The following ASTN2 variants were observed in gnomAD, a reference collection of about 807,000 sequenced individuals.
ASTN2 encodes the protein astrotactin 2.
ASTN2 carries 54 observed loss-of-function variants against 139.8 expected under a neutral mutation model. The ratio of observed to expected loss-of-function variants is 0.39; its 90% CI spans 0.31 to 0.48. The LOEUF is 0.48. Ranked by LOEUF, ASTN2 falls within the 20% of genes least tolerant of loss-of-function variation. ASTN2 has a pLI of 0.95. For missense variants in ASTN2, 1,565 were observed against 1,725.1 expected (o/e 0.91, Z 1.64); for synonymous variants, 756 against 719.5 (o/e 1.05, Z -0.81).
chr9:117,079,802 C>A, intron 5 of ASTN2, among the ~76,000 whole-genome samples: 1 of 152,212 alleles, frequency 6.6e-6, no homozygotes, highest in Non-Finnish European at 1.5e-5. Flanking sequence ...GAGCAGCTGC[C>A]CTAGTTATAG....
chr9:116,530,591 A>G (rs1851301576), intron 19 of ASTN2, among the ~76,000 whole-genome samples: 1 of 152,136 alleles, frequency 6.6e-6, no homozygotes. Flanking sequence ...GTATACCATA[A>G]ATATATATAA....
At chr9:116,855,411 A>G (rs1340289584) in intron 11 of ASTN2, among the ~76,000 whole-genome samples, 1 of 152,110 alleles carries the variant, frequency 6.6e-6, no homozygotes, top group African/African-American at 2.4e-5. Context: ...TACAGTTCCA[A>G]TTCCCTTCTT....
chr9:116,975,413 C>A, intron 9 of ASTN2, 68 bp from the exon 10 acceptor site: 1 of 1,471,336 alleles, frequency 6.8e-7, no homozygotes. Flanking sequence ...AAAGGGGCCC[C>A]TGTTCCCATC....
At position 116,642,144 on chromosome 9, in the gene ASTN2, AAC is replaced by A. The variant is rs1160997400; in HGVS notation, c.3072+9382_3072+9383del. Among the ~76,000 whole-genome samples the A allele has an allele frequency of 5.9e-4, 87 of 147,230 alleles. 2 individuals carry two copies. The highest frequency in any genetic ancestry group is 2.1e-3 in the African/African-American group (83 of 39,126). On this transcript the variant is annotated intron_variant, in intron 17 of 22. Coordinates refer to ENST00000313400, the MANE Select transcript of ASTN2 (RefSeq NM_001365068.1). ...GGCTCCCAACCCACAAAAAAAAAAA[AAC>A]AAAAAAAAACAGAATCAGTAGGAAG...
intron 19 of ASTN2, among the ~76,000 whole-genome samples, chr9:116,517,028 T>C (rs1850680892): frequency 6.6e-6 from 1 of 152,186 alleles, no homozygotes; most frequent in Non-Finnish European, 1.5e-5. Context: ...GTTCTTTCTC[T>C]AACCACTCTG....
chr9:116,852,800 C>A (rs1199280349), intron 11 of ASTN2, among the ~76,000 whole-genome samples: 1 of 151,610 alleles, frequency 6.6e-6, no homozygotes, highest in Non-Finnish European at 1.5e-5. Flanking sequence ...ATTTCAGACA[C>A]CTGGGTTCTA....
intron 1 of ASTN2, among the ~76,000 whole-genome samples, chr9:117,369,039 A>G (rs1373061606): frequency 6.6e-6 from 1 of 152,202 alleles, no homozygotes; most frequent in Non-Finnish European, 1.5e-5. Flanking sequence ...CAACAAACAC[A>G]AGATAATACT....
chr9:116,607,853 C>T (rs1009009281), intron 19 of ASTN2, among the ~76,000 whole-genome samples: 6 of 151,972 alleles, frequency 3.9e-5, no homozygotes, highest in South Asian at 2.1e-4. Flanking sequence ...CCCAGCTACT[C>T]GGGAGGCTGA....
chr9:116,702,278 G>T (rs1192646277), intron 16 of ASTN2, among the ~76,000 whole-genome samples: 2 of 151,934 alleles, frequency 1.3e-5, no homozygotes, highest in African/African-American at 4.8e-5. Flanking sequence ...AATGATGGCT[G>T]TTACTCTTTT....
At chr9:116,604,679 C>T (rs1323847928) in intron 19 of ASTN2, among the ~76,000 whole-genome samples, 3 of 152,212 alleles carry the variant, frequency 2.0e-5, no homozygotes, top group Admixed American at 1.3e-4. Context: ...GCCACTGCTG[C>T]CACCATCCTC....
chr9:116,661,111 A>G (rs1004509366), intron 16 of ASTN2, among the ~76,000 whole-genome samples: 1 of 152,176 alleles, frequency 6.6e-6, no homozygotes, highest in Non-Finnish European at 1.5e-5. Flanking sequence ...CCAGTAGCCT[A>G]GTACTGGCCA....
intron 2 of ASTN2, among the ~76,000 whole-genome samples, chr9:117,249,828 G>A (rs1833488551): frequency 6.6e-6 from 1 of 152,006 alleles, no homozygotes; most frequent in African/African-American, 2.4e-5. Context: ...TAACACCTAT[G>A]CCCTTATCCT....
Position 116,725,850 on chromosome 9 carries a change from G to A in ASTN2, c.2727C>T (p.Leu909=). 8 of 1,614,072 alleles carry A rather than the reference G, an allele frequency of 5.0e-6. No individual in the cohort carries two copies. Among genetic ancestry groups the A allele is most frequent in the Non-Finnish European group, 6.8e-6 (8 of 1,180,036 alleles). ...TGATGCAGGTGAGCTCTGAGCCATA[G>A]AGGGCCTCTGCGATGTAGTGGGAGC... ...HYGSHYIAEA[L]YGSELTCIIH... The change falls in exon 16 of 23, where the codon CTC becomes CTT. Residue 909 remains leucine, a synonymous_variant. Coordinates refer to ENST00000313400, the MANE Select transcript of ASTN2 (RefSeq NM_001365068.1).
At chr9:116,847,400 C>T (rs1832471917) in intron 11 of ASTN2, among the ~76,000 whole-genome samples, 1 of 152,178 alleles carries the variant, frequency 6.6e-6, no homozygotes, top group South Asian at 2.1e-4. Context: ...AGGCATGAGC[C>T]ACCGTGCCCA....
chr9:117,081,746 T>A (rs1405139326), intron 5 of ASTN2, among the ~76,000 whole-genome samples: 2 of 152,176 alleles, frequency 1.3e-5, no homozygotes, highest in Non-Finnish European at 2.9e-5. Context: ...AATAAACATG[T>A]TGTGAACCGC....
At chr9:116,934,002 T>TTTTTTTTTTTTC (rs1588422835) in intron 10 of ASTN2, among the ~76,000 whole-genome samples, 1 of 121,310 alleles carries the variant, frequency 8.2e-6, no homozygotes, top group East Asian at 2.2e-4. Flanking sequence ...TTTTTTTTTT[T>TTTTTTTTTTTTC]CTGGATCAAG....
rs1848910549 is a variant in ASTN2 at position 116,474,327 on chromosome 9, T to C, written c.3497+13032A>G. Among the ~76,000 whole-genome samples, 6 of 152,310 alleles carry C rather than the reference T, an allele frequency of 3.9e-5. No homozygotes were observed. In the South Asian group the frequency reaches 1.2e-3, roughly 32 times the overall value. ...TATCTCCTCCCTGGGCTTTAGTTTTTCCCATAAAGAGAGAGGGTTTAGATC... is the reference window on the plus strand; with the variant it reads ...TATCTCCTCCCTGGGCTTTAGTTTTCCCCATAAAGAGAGAGGGTTTAGATC... On this transcript the variant is annotated intron_variant, in intron 20 of 22. Coordinates refer to ENST00000313400, the MANE Select transcript of ASTN2 (RefSeq NM_001365068.1).
intron 1 of ASTN2, among the ~76,000 whole-genome samples, chr9:117,345,375 C>G (rs1829183876): frequency 6.6e-6 from 1 of 152,162 alleles, no homozygotes; most frequent in Non-Finnish European, 1.5e-5. Context: ...AAGTATGAAT[C>G]ATAACCACAG....
At chr9:116,931,395 C>T (rs1043996542) in intron 10 of ASTN2, among the ~76,000 whole-genome samples, 4 of 152,136 alleles carry the variant, frequency 2.6e-5, no homozygotes, top group African/African-American at 9.7e-5. Flanking sequence ...ACTTCCCTCT[C>T]ATGGGGGAAG....
Sources: allele counts gnomAD v4.1 joint callset (sites outside exome capture counted in the v4.1 genomes callset), GRCh38; gene constraint gnomAD v4.1.1; transcripts MANE v1.5; gene names NCBI Gene and HGNC (gene_info 2026-07-23, HGNC 2026-07-21).